Variants in RNF20 observed in about 807,000 individuals in gnomAD.
RNF20 encodes the protein ring finger protein 20.
In RNF20, 84 loss-of-function variants were observed where a neutral mutation model predicts 126.2. The ratio of observed to expected loss-of-function variants is 0.67; its 90% CI spans 0.56 to 0.80. The LOEUF (loss-of-function observed/expected upper bound fraction) is 0.80, where lower values mean the gene tolerates loss of function less well. Among genes scored for constraint, RNF20 ranks in the 30% least tolerant of loss-of-function variants. The pLI is 0.00. For synonymous variants in RNF20, 400 were observed against 414.3 expected (o/e 0.97, Z 0.42); for missense variants, 869 against 1,188.2 (o/e 0.73, Z 3.95).
rs189201569 is a variant in RNF20 at position 101,555,901 on chromosome 9, T to C, written c.2169+1058T>C. ...TGGAACCCAGGAGTGGAGGTTGCAG[T>C]GAGCCGAGATGGCGCCATTGCACTC... On this transcript the variant is annotated intron_variant, in intron 15 of 19. Coordinates refer to ENST00000389120, the MANE Select transcript of RNF20 (RefSeq NM_019592.7). Among the ~76,000 whole-genome samples the C allele has an allele frequency of 5.9e-3, 885 of 150,832 alleles. 1 individual carries two copies. The highest frequency in any genetic ancestry group is 9.1e-3 in the Admixed American group (137 of 15,134).
At chr9:101,544,626 G>A (rs773275933) in intron 5 of RNF20, 141 bp from the exon 6 acceptor site, 17 of 564,296 alleles carry the variant, frequency 3.0e-5, no homozygotes, top group Admixed American at 2.6e-4. Flanking sequence ...GAATCGGCTC[G>A]AACCCTGGAG....
chr9:101,536,677 G>A (rs1471960568), intron 2 of RNF20, among the ~76,000 whole-genome samples: 1 of 152,180 alleles, frequency 6.6e-6, no homozygotes, highest in Non-Finnish European at 1.5e-5. Context: ...ACTTTAGTTT[G>A]TAGGGTAGCA....
intron 16 of RNF20, among the ~76,000 whole-genome samples, chr9:101,558,843 A>G (rs1180562825): frequency 6.6e-6 from 1 of 151,976 alleles, no homozygotes; most frequent in South Asian, 2.1e-4. Context: ...CTCCCACTCT[A>G]TGGGTTGTCT....
In RNF20 at chr9:101,552,492, C is replaced by T. The variant is rs1006717859; in HGVS notation, c.1640C>T (p.Ser547Phe). The T allele has an allele frequency of 3.1e-6, 5 of 1,613,960 alleles. No homozygotes were observed. The highest frequency in any genetic ancestry group is 4.2e-6 in the Non-Finnish European group (5 of 1,180,000). Residue 547 changes from serine to phenylalanine, a missense_variant, in exon 13 of 20, where the codon TCC becomes TTC. Physicochemically the swap from Ser to Phe is radical, Grantham distance 155. This residue lies in a region of RNF20 where 231 missense variants were observed against 263.6 expected (regional missense o/e 0.88). Coordinates refer to ENST00000389120, the MANE Select transcript of RNF20 (RefSeq NM_019592.7). The part of the protein sequence containing the change: ...KPDSEDLSSQ[S>F]SASKASQEDA... ...GATTCTGAGGACTTATCCTCCCAGT[C>T]CTCAGCTTCAAAGGCATCTCAGGAG...
chr9:101,551,940 C>G (rs1827453295), intron 11 of RNF20, 121 bp downstream of exon 11: 2 of 1,312,724 alleles, frequency 1.5e-6, no homozygotes, highest in African/African-American at 3.0e-5. Flanking sequence ...ACCTTAAATC[C>G]TATAATTCAT....
At chr9:101,554,194 C>T (rs1397015894) in intron 14 of RNF20, 89 bp downstream of exon 14, 1 of 730,902 alleles carries the variant, frequency 1.4e-6, no homozygotes, top group East Asian at 2.7e-5. Flanking sequence ...TAATTTCTTT[C>T]TTTATCTTTA....
At position 101,551,737 on chromosome 9, in the gene RNF20, A is replaced by G. The variant is rs1224903789; in HGVS notation, c.1326A>G (p.Glu442=). Residue 442 remains glutamate, a synonymous_variant, in exon 11 of 20, where the codon GAA becomes GAG. Transcript: ENST00000389120. ...TGAGGACTGAAGTAATTCAGCTAGA[A>G]GATACATTGGCCCAGGTCCGCAAGG... The part of the protein sequence containing the change: ...KKLRTEVIQL[E]DTLAQVRKEY... 1.2e-6 allele frequency: 2 copies of G among 1,613,206 alleles called. No homozygotes were observed. The highest frequency in any genetic ancestry group is 1.1e-5 in the South Asian group (1 of 90,988).
At chr9:101,553,277 A>C (rs1370701809) in intron 13 of RNF20, among the ~76,000 whole-genome samples, 1 of 152,142 alleles carries the variant, frequency 6.6e-6, no homozygotes, top group Non-Finnish European at 1.5e-5. Context: ...CTGTGTCATA[A>C]CCTTATGCAT....
chr9:101,547,897 A>T (rs1827378078), intron 9 of RNF20, among the ~76,000 whole-genome samples: 1 of 152,112 alleles, frequency 6.6e-6, no homozygotes, highest in African/African-American at 2.4e-5. Context: ...TATAGATGAC[A>T]TGACTTTATA....
In RNF20 at chr9:101,554,120, T is replaced by G. The variant is rs1827491415; in HGVS notation, c.2019+15T>G. The G allele has an allele frequency of 1.5e-6, 2 of 1,358,518 alleles. No homozygotes were observed. Among genetic ancestry groups the G allele is most frequent in the East Asian group, 4.6e-5 (2 of 43,548 alleles). 84.2% of individuals were successfully genotyped at this position (1,358,518 alleles called of 1,614,324 possible). On this transcript the variant is annotated intron_variant, in intron 14 of 19. Transcript: ENST00000389120. ...CTAAGGCAGAGGTATTCTAGTCTGC[T>G]ATTACCTGTCCTTCTGGTTAAAATC...
intron 8 of RNF20, 34 bp downstream of exon 8, chr9:101,547,248 G>A (rs992270072): frequency 3.7e-6 from 6 of 1,609,832 alleles, no homozygotes; most frequent in Non-Finnish European, 5.1e-6. Flanking sequence ...GTTTTGGACT[G>A]TATGTCAGCT....
rs1234502347 is a variant in RNF20 at position 101,533,923 on chromosome 9, CT to C, written c.-27+10del. On this transcript the variant is annotated intron_variant, in intron 1 of 19. Transcript: ENST00000389120. ...TCTCTGCACGGGCCTTGGTGAGTAA[CT>C]GCTGCGAGTTCTGTTCCCGCGCGGC... 1 of 152,386 alleles carries C rather than the reference CT, an allele frequency of 6.6e-6. No individual in the cohort carries two copies. The highest frequency in any genetic ancestry group is 2.4e-5 in the African/African-American group (1 of 41,438). The allele number at this position is 152,386 out of a possible 1,614,324, so 9.4% of individuals were successfully genotyped here.
intron 5 of RNF20, among the ~76,000 whole-genome samples, chr9:101,541,411 T>C (rs966362602): frequency 6.6e-6 from 1 of 152,270 alleles, no homozygotes; most frequent in East Asian, 1.9e-4. Context: ...CCTTCAGTGT[T>C]ACTGGTAATG....
chr9:101,543,148 C>A (rs183305511), intron 5 of RNF20, among the ~76,000 whole-genome samples: 1 of 152,256 alleles, frequency 6.6e-6, no homozygotes, highest in East Asian at 1.9e-4. Flanking sequence ...TTGTGTTTTA[C>A]AAAATCCCCT....
intron 11 of RNF20, 69 bp downstream of exon 11, chr9:101,551,888 C>G (rs1827452375): frequency 6.6e-7 from 1 of 1,508,362 alleles, no homozygotes; most frequent in Non-Finnish European, 8.9e-7. Context: ...AACACAGACC[C>G]CAGGGTTTGT....
In RNF20 at chr9:101,544,796, G is replaced by T; in HGVS notation, c.658G>T (p.Glu220Ter). Residue 220 changes from glutamate (E) to a stop codon, truncating the protein, a stop_gained, in exon 6 of 20, where the codon GAG becomes TAG. Coordinates refer to ENST00000389120, the MANE Select transcript of RNF20 (RefSeq NM_019592.7). LOFTEE classifies it high-confidence loss of function. ...DNLIVEEAVQ[E>*]LNSFLAQENM... ...TCTGATAGTGGAGGAAGCAGTGCAGGAGCTGAACTCTTTCCTCGCACAGGA... is the reference window on the plus strand; with the variant it reads ...TCTGATAGTGGAGGAAGCAGTGCAGTAGCTGAACTCTTTCCTCGCACAGGA... 1 of 1,611,522 alleles carries T rather than the reference G, an allele frequency of 6.2e-7. No individual in the cohort carries two copies. The highest frequency in any genetic ancestry group is 8.5e-7 in the Non-Finnish European group (1 of 1,177,706).
At chr9:101,557,332 C>A in intron 15 of RNF20, 52 bp from the exon 16 acceptor site, 1 of 1,358,758 alleles carries the variant, frequency 7.4e-7, no homozygotes, top group Non-Finnish European at 1.0e-6. Context: ...TGTGCTCTTC[C>A]ATTGAAGTTG....
chr9:101,551,557 C>T (rs577661726), intron 10 of RNF20, 127 bp from the exon 11 acceptor site: 7 of 430,478 alleles, frequency 1.6e-5, no homozygotes, highest in African/African-American at 1.1e-4. Context: ...CCAAATTAGT[C>T]TTTTGTAGAT....
At position 101,552,834 on chromosome 9, in the gene RNF20, A is replaced by G. The variant is rs542931581; in HGVS notation, c.1901+81A>G. On this transcript the variant is annotated intron_variant, in intron 13 of 19. Coordinates refer to ENST00000389120, the MANE Select transcript of RNF20 (RefSeq NM_019592.7). The stretch of plus-strand genomic sequence containing the variant: ...ATGCATGAAATGTTTGGTTGATGGC[A>G]TGGCTTGTCTGATCGTTTTAATGTT... 7.0e-4 allele frequency: 924 copies of G among 1,323,590 alleles called. 8 individuals carry two copies. In the Middle Eastern group the frequency reaches 0.016, roughly 23 times the overall value. 82.0% of individuals were successfully genotyped at this position (1,323,590 alleles called of 1,614,324 possible).
Sources: allele counts gnomAD v4.1 joint callset (sites outside exome capture counted in the v4.1 genomes callset), GRCh38; gene constraint gnomAD v4.1.1; regional missense constraint gnomAD v4.1.1; transcripts MANE v1.5; gene names NCBI Gene and HGNC (gene_info 2026-07-23, HGNC 2026-07-21).